Variants in GSTZ1 observed in about 807,000 individuals in gnomAD.
GSTZ1 encodes glutathione S-transferase zeta 1, also known as maleylacetoacetate isomerase.
GSTZ1 carries 34 observed loss-of-function variants against 35.9 expected under a neutral mutation model. The observed-to-expected ratio is 0.95, with a 90% CI of 0.72 to 1.26. GSTZ1 has a LOEUF of 1.26. GSTZ1 is among the 50% of genes most tolerant of loss of function. GSTZ1 has a pLI of 0.00. For missense variants in GSTZ1, 263 were observed against 271.7 expected, an observed-to-expected ratio of 0.97 and a Z score of 0.23; for synonymous variants, 93 against 101.2, an observed-to-expected ratio of 0.92 and a Z score of 0.49.
chr14:77,326,892 A>G lies in GSTZ1; in HGVS notation c.122A>G (p.Asp41Gly). The change falls in exon 3 of 9, where the codon GAT becomes GGT. Residue 41 changes from aspartate (D) to glycine (G), a missense_variant. By Grantham distance (94) the Asp-to-Gly change is moderately conservative. Transcript: ENST00000216465. ...ACGGTGCCCATCAATCTCATAAAGGATGGGGGCCAACAGGTAAGAAGGCTG... is the reference window on the plus strand; with the variant it reads ...ACGGTGCCCATCAATCTCATAAAGGGTGGGGGCCAACAGGTAAGAAGGCTG... ...YETVPINLIKDGGQQFSKDFQ... is the reference protein window; with the variant it reads ...YETVPINLIKGGGQQFSKDFQ... The G allele has an allele frequency of 6.2e-7, 1 of 1,604,536 alleles. No homozygotes were observed. The highest frequency in any genetic ancestry group is 8.5e-7 in the Non-Finnish European group (1 of 1,174,396).
At chr14:77,325,131 T>C (rs536877266) in intron 2 of GSTZ1, 3 of 580,272 alleles carry the variant, frequency 5.2e-6, no homozygotes, top group Admixed American at 5.7e-5. Context: ...GGAAGGGGGT[T>C]GTTTTTTCCC....
intron 1 of GSTZ1, chr14:77,323,046 C>G (rs1892110461): frequency 6.6e-6 from 1 of 152,212 alleles, no homozygotes; most frequent in Admixed American, 6.5e-5. Flanking sequence ...CTGGGTTCCA[C>G]TTTGAAATGC....
intron 1 of GSTZ1, chr14:77,322,971 T>C (rs1861887): frequency 0.83 from 125,764 of 152,278 alleles, 52,163 homozygotes; most frequent in East Asian, 0.95. Flanking sequence ...AGTTCTCCCC[T>C]ATCCATAGGG....
intron 2 of GSTZ1, chr14:77,326,563 CA>C (rs1892323276): frequency 2.4e-6 from 1 of 418,962 alleles, no homozygotes; most frequent in Admixed American, 3.5e-5. Flanking sequence ...TATCACCATC[CA>C]GGGGGCATGA....
chr14:77,323,246 G>C (rs554462545), intron 1 of GSTZ1: 10 of 152,232 alleles, frequency 6.6e-5, no homozygotes, highest in African/African-American at 2.2e-4. Flanking sequence ...CCCATCAATT[G>C]CTGCTATTTA....
chr14:77,325,217 C>T (rs1330341271), intron 2 of GSTZ1: 3 of 388,752 alleles, frequency 7.7e-6, no homozygotes, highest in African/African-American at 6.1e-5. Flanking sequence ...TCACAAAATC[C>T]ACATGCCCCT....
rs141800227 is a variant in GSTZ1 at position 77,327,527 on chromosome 14, T to C, written c.191T>C (p.Ile64Thr). 17 of 1,607,582 alleles carry C rather than the reference T, an allele frequency of 1.1e-5. No individual in the cohort carries two copies. In the Admixed American group the frequency reaches 2.0e-4, roughly 19 times the overall value. The change falls in exon 4 of 9, where the codon ATT (isoleucine) becomes ACT (threonine). Residue 64 changes from isoleucine to threonine, a missense_variant. Transcript: ENST00000216465. The part of the protein sequence containing the change: ...NPMKQVPTLK[I>T]DGITIHQSLA... Reference sequence around the variant, plus strand: ...ATGAAGCAGGTGCCAACCCTGAAGATTGATGGAATCACCATTCACCAGTCA... The same window carrying C: ...ATGAAGCAGGTGCCAACCCTGAAGACTGATGGAATCACCATTCACCAGTCA...
At chr14:77,321,934 C>A (rs996684465) in intron 1 of GSTZ1, among the ~76,000 whole-genome samples, 3 of 151,792 alleles carry the variant, frequency 2.0e-5, no homozygotes, top group Non-Finnish European at 4.4e-5. Context: ...TGACAATCAC[C>A]TGGGGAGCTT....
At position 77,331,209 on chromosome 14, in the gene GSTZ1, C is replaced by G. The variant is rs1218845437; in HGVS notation, c.*14C>G. The G allele has an allele frequency of 6.2e-7, 1 of 1,608,920 alleles. No individual in the cohort carries two copies. Among genetic ancestry groups the G allele is most frequent in the African/African-American group, 1.3e-5 (1 of 74,972 alleles). On this transcript the variant is annotated 3_prime_UTR_variant, in exon 9 of 9. Transcript: ENST00000216465. ...CTGAGGGCCTAGCTCCCAAATCCTGCCCCGTTGGCACAGGGCCACAGGAGC... is the reference window on the plus strand; with the variant it reads ...CTGAGGGCCTAGCTCCCAAATCCTGGCCCGTTGGCACAGGGCCACAGGAGC...
intron 1 of GSTZ1, chr14:77,324,486 C>G (rs768142085): frequency 1.3e-5 from 11 of 869,260 alleles, no homozygotes; most frequent in Non-Finnish European, 2.0e-5. Context: ...TCCCCCAATG[C>G]CTGGGTAGCC....
rs776678047 is a variant in GSTZ1 at position 77,326,826 on chromosome 14, G to A, written c.68-12G>A. 41 of 1,592,848 alleles carry A rather than the reference G, an allele frequency of 2.6e-5. No individual in the cohort carries two copies. Among genetic ancestry groups the A allele is most frequent in the Middle Eastern group, 1.7e-4 (1 of 6,054 alleles). ...GCTGTTCTTTGACTCCGCTATGTGC[G>A]GTCTCTCCTAGCTCTGGCCTTGAAA... On this transcript the variant is annotated splice_polypyrimidine_tract_variant and intron_variant, in intron 2 of 8. Coordinates refer to ENST00000216465, the MANE Select transcript of GSTZ1 (RefSeq NM_145870.3).
intron 8 of GSTZ1, 137 bp from the exon 9 acceptor site, chr14:77,330,932 A>T: frequency 1.4e-6 from 1 of 726,668 alleles, no homozygotes; most frequent in Non-Finnish European, 2.3e-6. Flanking sequence ...CCCTGTGAAT[A>T]AGGGCTGCCC....
rs8177561 is a variant in GSTZ1, at chr14:77,327,091, G to C, written c.135+186G>C. The stretch of plus-strand genomic sequence containing the variant: ...AGGTGTGCAGTAGCAGGAGGCCTGG[G>C]AAGGGCCCAGGTCCAGACTGTGTAC... On this transcript the variant is annotated intron_variant, in intron 3 of 8. Transcript: ENST00000216465. 1,449 of 614,786 alleles carry C rather than the reference G, an allele frequency of 2.4e-3. 18 individuals are homozygous for C. In the African/African-American group the frequency reaches 0.024, roughly 10 times the overall value. 38.1% of individuals were successfully genotyped at this position (614,786 alleles called of 1,614,324 possible).
intron 5 of GSTZ1, chr14:77,328,243 G>A (rs1892442419): frequency 3.4e-6 from 2 of 585,082 alleles, no homozygotes; most frequent in Admixed American, 3.0e-5. Flanking sequence ...TGCGTTCCGA[G>A]AAGCTCTAGT....
chr14:77,321,833 A>G (rs925522667), intron 1 of GSTZ1, among the ~76,000 whole-genome samples: 1 of 151,118 alleles, frequency 6.6e-6, no homozygotes, highest in Non-Finnish European at 1.5e-5. Context: ...CAGTGAGCCG[A>G]GATCGCGCCA....
At chr14:77,329,531 T>C in intron 6 of GSTZ1, 1 of 597,818 alleles carries the variant, frequency 1.7e-6, no homozygotes, top group Non-Finnish European at 3.0e-6. Flanking sequence ...GCAGGGCTTG[T>C]CCACTCGAGT....
Position 77,329,213 on chromosome 14 carries a change from C to T in GSTZ1, c.421+12C>T, listed in dbSNP as rs1892485722. On this transcript the variant is annotated intron_variant, in intron 6 of 8. Coordinates refer to ENST00000216465, the MANE Select transcript of GSTZ1 (RefSeq NM_145870.3). ...TTGTGGCTTTAACGGTGAGTCCTCA[C>T]CTCTGTGAGCTGCCCCACAGTGGCC... The T allele has an allele frequency of 4.5e-6, 7 of 1,553,804 alleles. No individual in the cohort carries two copies. The highest frequency in any genetic ancestry group is 6.2e-6 in the Non-Finnish European group (7 of 1,124,794).
intron 1 of GSTZ1, chr14:77,323,262 C>G (rs1374761690): frequency 6.6e-6 from 1 of 151,942 alleles, no homozygotes; most frequent in Non-Finnish European, 1.5e-5. Context: ...ATTTAGGAAC[C>G]CAAATCTGTC....
chr14:77,330,936 G>A, intron 8 of GSTZ1, 133 bp from the exon 9 acceptor site: 3 of 749,256 alleles, frequency 4.0e-6, no homozygotes, highest in Non-Finnish European at 6.7e-6. Context: ...GTGAATAAGG[G>A]CTGCCCCATC....
Sources: allele counts gnomAD v4.1 joint callset (sites outside exome capture counted in the v4.1 genomes callset), GRCh38; gene constraint gnomAD v4.1.1; transcripts MANE v1.5; gene names NCBI Gene and HGNC (gene_info 2026-07-23, HGNC 2026-07-21).